CSRNP3: variants seen among roughly 807,000 people sequenced by gnomAD.
CSRNP3 encodes cysteine and serine rich nuclear protein 3.
In CSRNP3, 12 loss-of-function variants were observed where a neutral mutation model predicts 48.0. The observed-to-expected ratio is 0.25, with a 90% confidence interval of 0.16 to 0.41. The LOEUF (loss-of-function observed/expected upper bound fraction) is 0.41. CSRNP3 is among the 10% of genes least tolerant of loss of function. The probability of loss-of-function intolerance (pLI) is 1.00; values close to 1 mark genes in which losing one functional copy is unlikely to be tolerated. For synonymous variants in CSRNP3, 263 were observed against 269.7 expected (o/e 0.98, Z 0.24); for missense variants, 580 against 724.4 (o/e 0.80, Z 2.29).
intron 4 of CSRNP3, among the ~76,000 whole-genome samples, chr2:165,641,598 C>A (rs2105334564): frequency 6.6e-6 from 1 of 152,132 alleles, no homozygotes; most frequent in Middle Eastern, 3.4e-3. Context: ...ACCAAGAGAC[C>A]CTTTGGGGAG....
intron 4 of CSRNP3, among the ~76,000 whole-genome samples, chr2:165,631,253 A>ATG (rs1323641004): frequency 6.6e-6 from 1 of 152,066 alleles, no homozygotes; most frequent in Non-Finnish European, 1.5e-5. Context: ...GCTAGAGACA[A>ATG]TGTGTGTGTG....
At chr2:165,486,138 G>A (rs146006833) in intron 1 of CSRNP3, among the ~76,000 whole-genome samples, 2,027 of 152,308 alleles carry the variant, frequency 0.013, 45 homozygotes, top group African/African-American at 0.043. Context: ...CCTGGGAAGC[G>A]CAAGGGGTCA....
chr2:165,563,368 A>G (rs1412756673), intron 3 of CSRNP3, among the ~76,000 whole-genome samples: 1 of 152,060 alleles, frequency 6.6e-6, no homozygotes, highest in Non-Finnish European at 1.5e-5. Flanking sequence ...TAAGTGTTCA[A>G]ACTGTGTTCA....
intron 4 of CSRNP3, among the ~76,000 whole-genome samples, chr2:165,628,639 G>T (rs868718921): frequency 6.6e-6 from 1 of 152,138 alleles, no homozygotes; most frequent in African/African-American, 2.4e-5. Context: ...CAGGAGAATC[G>T]CTTGAACCTG....
intron 4 of CSRNP3, among the ~76,000 whole-genome samples, chr2:165,649,069 G>A (rs1269796342): frequency 1.3e-5 from 2 of 152,138 alleles, no homozygotes; most frequent in African/African-American, 4.8e-5. Context: ...ATGACGACGT[G>A]ACATGCATGT....
chr2:165,568,058 G>C (rs960431066), intron 3 of CSRNP3, among the ~76,000 whole-genome samples: 1 of 152,010 alleles, frequency 6.6e-6, no homozygotes, highest in African/African-American at 2.4e-5. Context: ...TCAGAGACCA[G>C]TTTATCTAAA....
chr2:165,674,995 G>A (rs1687399722), intron 5 of CSRNP3, among the ~76,000 whole-genome samples: 3 of 151,948 alleles, frequency 2.0e-5, no homozygotes, highest in African/African-American at 7.2e-5. Context: ...TTACAGGCAC[G>A]AGCCACTGCA....
At chr2:165,475,616 C>T (rs929626986) in intron 1 of CSRNP3, among the ~76,000 whole-genome samples, 1 of 152,124 alleles carries the variant, frequency 6.6e-6, no homozygotes, top group African/African-American at 2.4e-5. Context: ...CAGTATGTGC[C>T]CCCAGATTGT....
At chr2:165,491,967 A>C (rs71426770) in intron 1 of CSRNP3, among the ~76,000 whole-genome samples, 5 of 150,902 alleles carry the variant, frequency 3.3e-5, no homozygotes, top group Non-Finnish European at 7.4e-5. Context: ...AAAAAAAAAA[A>C]CAAAGCTAGA....
chr2:165,575,383 A>G (rs1187868102), intron 3 of CSRNP3, among the ~76,000 whole-genome samples: 5 of 150,824 alleles, frequency 3.3e-5, no homozygotes, highest in Non-Finnish European at 7.4e-5. Flanking sequence ...GTTGATTAAA[A>G]AATGTTATTT....
intron 5 of CSRNP3, among the ~76,000 whole-genome samples, chr2:165,666,632 A>G (rs1353181847): frequency 4.0e-5 from 4 of 99,228 alleles, no homozygotes; most frequent in Admixed American, 3.1e-4. Context: ...GGAAGGAAGT[A>G]AGGGAGGAAA....
chr2:165,543,345 C>T (rs997683822), intron 3 of CSRNP3, among the ~76,000 whole-genome samples: 1 of 151,936 alleles, frequency 6.6e-6, no homozygotes, highest in African/African-American at 2.4e-5. Context: ...ATTAAAAATA[C>T]ATTTAGCTAG....
At chr2:165,511,084 C>G (rs754680139) in intron 2 of CSRNP3, among the ~76,000 whole-genome samples, 1 of 152,150 alleles carries the variant, frequency 6.6e-6, no homozygotes, top group Non-Finnish European at 1.5e-5. Context: ...AAGTGATTAT[C>G]AGAGTCAAGT....
chr2:165,631,806 C>G (rs1040823909), intron 4 of CSRNP3, among the ~76,000 whole-genome samples: 2 of 152,214 alleles, frequency 1.3e-5, no homozygotes, highest in East Asian at 1.9e-4. Flanking sequence ...AACAACTACT[C>G]TCACTCATCT....
rs1157116491 is a variant in CSRNP3, at chr2:165,679,778, C to T, written c.*25C>T. On this transcript the variant is annotated 3_prime_UTR_variant, in exon 7 of 7. Transcript: ENST00000651982. ...GTAGCTTAAATTATTCTAGGACCAACTCTTCTCTTATTTAAGGCACTGTAT... is the reference window on the plus strand; with the variant it reads ...GTAGCTTAAATTATTCTAGGACCAATTCTTCTCTTATTTAAGGCACTGTAT... The T allele has an allele frequency of 1.3e-6, 2 of 1,590,378 alleles. No individual in the cohort carries two copies. Among genetic ancestry groups the T allele is most frequent in the Non-Finnish European group, 1.7e-6 (2 of 1,166,630 alleles).
At chr2:165,607,764 A>T (rs942420012) in intron 4 of CSRNP3, among the ~76,000 whole-genome samples, 2 of 151,968 alleles carry the variant, frequency 1.3e-5, no homozygotes, top group African/African-American at 4.8e-5. Context: ...TTCACTGCAA[A>T]CTCATTCCAT....
intron 3 of CSRNP3, among the ~76,000 whole-genome samples, chr2:165,587,625 C>T (rs1460987735): frequency 6.6e-6 from 1 of 152,196 alleles, no homozygotes; most frequent in Non-Finnish European, 1.5e-5. Context: ...TAGCCATAAT[C>T]CCAGAAGCTG....
chr2:165,503,424 T>C (rs1165854510), intron 2 of CSRNP3, among the ~76,000 whole-genome samples: 1 of 151,982 alleles, frequency 6.6e-6, no homozygotes, highest in Admixed American at 6.6e-5. Flanking sequence ...CTGGTTATTT[T>C]AAAACCAACA....
At chr2:165,573,933 A>C (rs1685408454) in intron 3 of CSRNP3, among the ~76,000 whole-genome samples, 1 of 152,142 alleles carries the variant, frequency 6.6e-6, no homozygotes. Context: ...GCATTTGACT[A>C]TTTGGGTTTC....
Sources: allele counts gnomAD v4.1 joint callset (sites outside exome capture counted in the v4.1 genomes callset), GRCh38; gene constraint gnomAD v4.1.1; transcripts MANE v1.5; gene names NCBI Gene and HGNC (gene_info 2026-07-23, HGNC 2026-07-21).